TYW1: variants seen among roughly 807,000 people sequenced by gnomAD.
TYW1 encodes the protein tRNA-yW synthesizing protein 1 homolog.
In TYW1, 46 loss-of-function variants were observed where a neutral mutation model predicts 96.2. That is an observed-to-expected ratio of 0.48 (90% CI 0.38 to 0.61). TYW1 has a LOEUF of 0.61. Among genes scored for constraint, TYW1 ranks in the 20% least tolerant of loss-of-function variants. TYW1 has a pLI of 0.00. For synonymous variants in TYW1, 274 were observed against 323.0 expected (o/e 0.85, Z 1.63); for missense variants, 684 against 909.6 (o/e 0.75, Z 3.19).
intron 13 of TYW1, among the ~76,000 whole-genome samples, chr7:67,128,903 A>T (rs1244845635): frequency 6.6e-6 from 1 of 152,032 alleles, no homozygotes; most frequent in African/African-American, 2.4e-5. Flanking sequence ...TGGGCAGGCT[A>T]GTCTTGAACT....
At chr7:67,203,117 T>C (rs1346843122) in intron 15 of TYW1, among the ~76,000 whole-genome samples, 1 of 152,246 alleles carries the variant, frequency 6.6e-6, no homozygotes, top group Non-Finnish European at 1.5e-5. Flanking sequence ...TTTCTCATGC[T>C]ATTCCTTTGT....
intron 13 of TYW1, among the ~76,000 whole-genome samples, chr7:67,148,564 T>A (rs549414273): frequency 1.3e-4 from 19 of 151,348 alleles, no homozygotes; most frequent in Admixed American, 1.3e-3. Context: ...TAGCTGGGAC[T>A]ACAGGCGCCT....
intron 15 of TYW1, among the ~76,000 whole-genome samples, chr7:67,232,403 G>A (rs1205391500): frequency 6.6e-6 from 1 of 151,888 alleles, no homozygotes; most frequent in Non-Finnish European, 1.5e-5. Context: ...AGCTGGGTAT[G>A]GTGGTGCACA....
intron 10 of TYW1, among the ~76,000 whole-genome samples, chr7:67,068,603 T>C (rs1795944182): frequency 2.0e-5 from 3 of 152,188 alleles, no homozygotes; most frequent in Non-Finnish European, 2.9e-5. Context: ...CCCTGTTAGC[T>C]CTTCTTTCTG....
At chr7:67,194,216 T>C (rs1182468072) in intron 14 of TYW1, among the ~76,000 whole-genome samples, 1 of 152,144 alleles carries the variant, frequency 6.6e-6, no homozygotes, top group Non-Finnish European at 1.5e-5. Flanking sequence ...GTGAAATACA[T>C]GTGTATATGT....
intron 12 of TYW1, among the ~76,000 whole-genome samples, chr7:67,115,769 A>G (rs1211198304): frequency 6.6e-6 from 1 of 152,256 alleles, no homozygotes; most frequent in African/African-American, 2.4e-5. Context: ...TATAAAGCAC[A>G]TAAACCATTA....
rs186328999 is a variant in TYW1, at chr7:67,198,419, C to T, written c.1977+3082C>T. Among the ~76,000 whole-genome samples the T allele has an allele frequency of 3.3e-3, 495 of 151,700 alleles. 3 individuals are homozygous for T. Among genetic ancestry groups the T allele is most frequent in the Non-Finnish European group, 6.0e-3 (410 of 67,886 alleles). ...TACTAAAATTAGCGGGGTGTGGTGG[C>T]GGGGGCCTGTAATCTCAGGTACTCA... is the stretch of plus-strand genomic sequence containing the variant. On this transcript the variant is annotated intron_variant, in intron 15 of 15. Coordinates refer to ENST00000359626, the MANE Select transcript of TYW1 (RefSeq NM_018264.4).
intron 7 of TYW1, among the ~76,000 whole-genome samples, chr7:67,046,928 A>G (rs1000064753): frequency 2.6e-5 from 4 of 152,154 alleles, no homozygotes; most frequent in African/African-American, 7.2e-5. Flanking sequence ...GAGTCTGTTC[A>G]TTTTGTAGGG....
chr7:67,175,466 C>T (rs1429153727), intron 13 of TYW1, among the ~76,000 whole-genome samples: 1 of 152,136 alleles, frequency 6.6e-6, no homozygotes, highest in Non-Finnish European at 1.5e-5. Flanking sequence ...CCACTGCGTC[C>T]AGCCAGTTCA....
chr7:67,051,718 GTTTTTGTT>G (rs1262807690), intron 8 of TYW1, among the ~76,000 whole-genome samples: 2 of 135,558 alleles, frequency 1.5e-5, no homozygotes, highest in Non-Finnish European at 3.2e-5. Flanking sequence ...CTGAAGGACT[GTTTTTGTT>G]TTTTTGTTTT....
intron 11 of TYW1, 112 bp from the exon 12 acceptor site, chr7:67,098,429 T>C (rs1796985535): frequency 3.3e-6 from 3 of 902,612 alleles, no homozygotes; most frequent in Non-Finnish European, 4.9e-6. Flanking sequence ...TTGTATTCTT[T>C]GGTATCAAAA....
In TYW1 at chr7:67,239,262, C is replaced by T. The variant is rs1271326934; in HGVS notation, c.*733C>T. On this transcript the variant is annotated 3_prime_UTR_variant, in exon 16 of 16. Transcript: ENST00000359626. Reference sequence around the variant, plus strand: ...TGGAGTCATTAGTCTCACAAACACACTTTGGACTGAAGAGGATCATTTCTT... The same window carrying T: ...TGGAGTCATTAGTCTCACAAACACATTTTGGACTGAAGAGGATCATTTCTT... 1 of 985,314 alleles carries T rather than the reference C, an allele frequency of 1.0e-6. No individual in the cohort carries two copies. 61.0% of individuals were successfully genotyped at this position (985,314 alleles called of 1,614,324 possible).
chr7:67,192,790 C>T (rs572966426), intron 14 of TYW1, among the ~76,000 whole-genome samples: 4 of 152,160 alleles, frequency 2.6e-5, no homozygotes, highest in South Asian at 2.1e-4. Context: ...TATTGCAAGT[C>T]GACTAATAAA....
Position 67,018,094 on chromosome 7 carries a change from G to C in TYW1, c.812G>C (p.Arg271Thr). The change falls in exon 6 of 16, where the codon AGG (arginine) becomes ACG (threonine). Residue 271 changes from arginine to threonine, a missense_variant. Coordinates refer to ENST00000359626, the MANE Select transcript of TYW1 (RefSeq NM_018264.4). The part of the protein sequence containing the change: ...CESHQHGSEE[R>T]EEGSHEQDEL... ...TCTCACCAACATGGCTCAGAGGAGAGGGAGGAAGGATCTCATGAGCAGGAT... is the reference window on the plus strand; with the variant it reads ...TCTCACCAACATGGCTCAGAGGAGACGGAGGAAGGATCTCATGAGCAGGAT... 1 of 1,614,122 alleles carries C rather than the reference G, an allele frequency of 6.2e-7. No homozygotes were observed. Among genetic ancestry groups the C allele is most frequent in the South Asian group, 1.1e-5 (1 of 91,082 alleles).
chr7:67,153,664 G>A (rs558057747), intron 13 of TYW1, among the ~76,000 whole-genome samples: 21 of 152,050 alleles, frequency 1.4e-4, no homozygotes, highest in African/African-American at 1.9e-4. Flanking sequence ...TTTCCTTCCC[G>A]CTTAAGTTTC....
chr7:67,205,992 T>A (rs1450419057), intron 15 of TYW1, among the ~76,000 whole-genome samples: 1 of 152,242 alleles, frequency 6.6e-6, no homozygotes, highest in East Asian at 1.9e-4. Context: ...TAATATCCTC[T>A]ATTTTTAGCT....
chr7:67,052,892 C>T (rs571658953), intron 8 of TYW1, among the ~76,000 whole-genome samples: 45 of 151,974 alleles, frequency 3.0e-4, no homozygotes, highest in African/African-American at 9.6e-4. Flanking sequence ...TGCGTGCCCA[C>T]TACCACGCCT....
chr7:67,065,453 G>A (rs1795826811), intron 9 of TYW1, among the ~76,000 whole-genome samples: 3 of 152,168 alleles, frequency 2.0e-5, no homozygotes, highest in Admixed American at 2.0e-4. Context: ...AGTGGCATGA[G>A]ATTTTGTGGA....
chr7:67,044,517 A>G (rs1197642790), intron 7 of TYW1, among the ~76,000 whole-genome samples: 3 of 152,148 alleles, frequency 2.0e-5, no homozygotes, highest in Non-Finnish European at 4.4e-5. Flanking sequence ...CATTTATTCA[A>G]CCAACATTTA....
Sources: allele counts gnomAD v4.1 joint callset (sites outside exome capture counted in the v4.1 genomes callset), GRCh38; gene constraint gnomAD v4.1.1; transcripts MANE v1.5; gene names NCBI Gene and HGNC (gene_info 2026-07-23, HGNC 2026-07-21).